ACYP2: variants seen among roughly 807,000 people sequenced by gnomAD.
The protein encoded by ACYP2 is acylphosphatase-2.
A neutral mutation model predicts 11.2 loss-of-function variants in ACYP2; 12 were observed. The observed-to-expected ratio is 1.08, with a 90% confidence interval of 0.69 to 1.74. ACYP2 has a LOEUF of 1.74. Ranked by LOEUF, ACYP2 falls within the 40% of genes most tolerant of loss-of-function variation. ACYP2 has a pLI of 0.00. For synonymous variants in ACYP2, 43 were observed against 32.2 expected (o/e 1.33, Z -1.13); for missense variants, 134 against 101.9 (o/e 1.31, Z -1.35).
chr2:54,214,863 T>C (rs6732970), intron 6 of ACYP2, among the ~76,000 whole-genome samples: 36,377 of 152,184 alleles, frequency 0.24, 4,547 homozygotes, highest in East Asian at 0.4. Flanking sequence ...TTAACAATAT[T>C]GATTCTTCCT....
At chr2:54,091,107 A>C (rs569533202) in intron 4 of ACYP2, among the ~76,000 whole-genome samples, 4 of 152,376 alleles carry the variant, frequency 2.6e-5, no homozygotes, top group African/African-American at 9.6e-5. Context: ...TGTAATGATT[A>C]AAAGGACAAA....
intron 4 of ACYP2, among the ~76,000 whole-genome samples, chr2:54,115,095 GAAT>G (rs1679674605): frequency 1.3e-5 from 2 of 152,146 alleles, no homozygotes; most frequent in Non-Finnish European, 2.9e-5. Context: ...CAGTTAGTGT[GAAT>G]AATAAGTTCT....
At chr2:54,297,528 T>C (rs1433287510) in intron 6 of ACYP2, among the ~76,000 whole-genome samples, 1 of 151,976 alleles carries the variant, frequency 6.6e-6, no homozygotes, top group African/African-American at 2.4e-5. Flanking sequence ...ACAAAAAAAT[T>C]ATCCAGTCCA....
intron 2 of ACYP2, among the ~76,000 whole-genome samples, chr2:54,021,747 A>C (rs1674019432): frequency 6.6e-6 from 1 of 152,140 alleles, no homozygotes; most frequent in Non-Finnish European, 1.5e-5. Context: ...GGACAAATAA[A>C]TTGAGCATTT....
intron 6 of ACYP2, among the ~76,000 whole-genome samples, chr2:54,279,012 T>G (rs1387686036): frequency 6.6e-6 from 1 of 152,218 alleles, no homozygotes; most frequent in Non-Finnish European, 1.5e-5. Flanking sequence ...AGAAGCTAAC[T>G]GACCCATGAT....
chr2:54,110,314 A>G (rs1305510692), intron 4 of ACYP2, among the ~76,000 whole-genome samples: 1 of 152,200 alleles, frequency 6.6e-6, no homozygotes, highest in African/African-American at 2.4e-5. Flanking sequence ...TATGTATTTC[A>G]GTACATGCCT....
At chr2:54,160,482 A>C (rs1358226482) in intron 6 of ACYP2, among the ~76,000 whole-genome samples, 2 of 152,224 alleles carry the variant, frequency 1.3e-5, no homozygotes, top group African/African-American at 4.8e-5. Context: ...ACACTTCTCA[A>C]GACTGTAAGC....
At chr2:54,158,391 A>G (rs1682537089) in intron 6 of ACYP2, among the ~76,000 whole-genome samples, 1 of 151,480 alleles carries the variant, frequency 6.6e-6, no homozygotes, top group Non-Finnish European at 1.5e-5. Context: ...ATTTTTGTAG[A>G]GACGGGGTCT....
chr2:54,045,874 C>G (rs1405579134), intron 2 of ACYP2, among the ~76,000 whole-genome samples: 1 of 149,034 alleles, frequency 6.7e-6, no homozygotes, highest in African/African-American at 2.5e-5. Context: ...TCTCAACAAG[C>G]AAAAGGATTG....
intron 6 of ACYP2, among the ~76,000 whole-genome samples, chr2:54,172,553 C>G (rs1048502846): frequency 6.6e-6 from 1 of 152,150 alleles, no homozygotes; most frequent in Non-Finnish European, 1.5e-5. Context: ...GGAGAGGGAG[C>G]AGTATGTGGA....
At chr2:54,051,343 T>G (rs1047239203) in intron 3 of ACYP2, 8 of 763,036 alleles carry the variant, frequency 1.0e-5, no homozygotes, top group African/African-American at 1.0e-4. Context: ...TAAGAAGTGC[T>G]CAGAGAGGTG....
chr2:54,294,016 G>A (rs544581942), intron 6 of ACYP2, among the ~76,000 whole-genome samples: 2 of 152,254 alleles, frequency 1.3e-5, no homozygotes, highest in African/African-American at 4.8e-5. Flanking sequence ...TTTCCAACAT[G>A]CATCACATTA....
chr2:54,074,121 C>G (rs1002779588), intron 4 of ACYP2, among the ~76,000 whole-genome samples: 1 of 152,162 alleles, frequency 6.6e-6, no homozygotes, highest in Non-Finnish European at 1.5e-5. Flanking sequence ...GAGGAAATTG[C>G]TTAAGGCCAG....
chr2:54,008,551 A>G (rs567953196), intron 2 of ACYP2, among the ~76,000 whole-genome samples: 10 of 152,344 alleles, frequency 6.6e-5, no homozygotes, highest in East Asian at 1.9e-4. Flanking sequence ...CAGAGTGACT[A>G]TAGAGGCACA....
At chr2:53,973,495 C>T (rs778712250) in intron 1 of ACYP2, among the ~76,000 whole-genome samples, 5 of 152,138 alleles carry the variant, frequency 3.3e-5, no homozygotes, top group Non-Finnish European at 7.4e-5. Context: ...CCCACCCTAA[C>T]AGATGAATGT....
At chr2:54,230,379 G>A (rs970387057) in intron 6 of ACYP2, among the ~76,000 whole-genome samples, 1 of 151,736 alleles carries the variant, frequency 6.6e-6, no homozygotes, top group Non-Finnish European at 1.5e-5. Context: ...TTTTTGAGAC[G>A]GAGTTTTGCT....
intron 6 of ACYP2, among the ~76,000 whole-genome samples, chr2:54,263,967 A>G (rs1329869276): frequency 6.6e-6 from 1 of 152,146 alleles, no homozygotes; most frequent in Non-Finnish European, 1.5e-5. Context: ...TTTGTGTGTC[A>G]GGGAGGTGAT....
intron 4 of ACYP2, chr2:54,123,237 C>G: frequency 2.5e-6 from 1 of 397,464 alleles, no homozygotes; most frequent in Admixed American, 4.4e-5. Flanking sequence ...AAGATGCTTT[C>G]TCCTGCAGAA....
chr2:54,101,174 G>A (rs981971341), intron 4 of ACYP2, among the ~76,000 whole-genome samples: 2 of 152,218 alleles, frequency 1.3e-5, no homozygotes, highest in Non-Finnish European at 2.9e-5. Flanking sequence ...GTCCTGGCCT[G>A]TAGGGAAGAA....
Sources: allele counts gnomAD v4.1 joint callset (sites outside exome capture counted in the v4.1 genomes callset), GRCh38; gene constraint gnomAD v4.1.1; transcripts MANE v1.5; gene names NCBI Gene and HGNC (gene_info 2026-07-23, HGNC 2026-07-21).